Variants in PSD3 observed in about 807,000 individuals in gnomAD.
PSD3 encodes the protein PH and SEC7 domain-containing protein 3.
A neutral mutation model predicts 105.5 loss-of-function variants in PSD3; 49 were observed. The observed-to-expected ratio is 0.46, with a 90% CI of 0.37 to 0.59. The LOEUF (loss-of-function observed/expected upper bound fraction) is 0.59, where lower values mean the gene tolerates loss of function less well. Among genes scored for constraint, PSD3 ranks in the 20% least tolerant of loss-of-function variants. The pLI, the probability that PSD3 is intolerant of heterozygous loss-of-function variation, is 0.00. For synonymous variants in PSD3, 557 were observed against 457.8 expected (o/e 1.22, Z -2.77); for missense variants, 1,561 against 1,263.8 (o/e 1.24, Z -3.57).
chr8:18,760,003 C>G (rs556236360), intron 9 of PSD3, among the ~76,000 whole-genome samples: 1 of 123,404 alleles, frequency 8.1e-6, no homozygotes, highest in East Asian at 2.7e-4. Flanking sequence ...TTTTCTGTTA[C>G]AAACAAGAAC....
intron 9 of PSD3, among the ~76,000 whole-genome samples, chr8:18,758,000 A>G (rs1229316176): frequency 6.6e-6 from 1 of 151,880 alleles, no homozygotes; most frequent in African/African-American, 2.4e-5. Flanking sequence ...TTTAGAGTGG[A>G]CTTGTCCATT....
At chr8:18,724,229 C>T (rs140937412) in intron 9 of PSD3, among the ~76,000 whole-genome samples, 19 of 152,036 alleles carry the variant, frequency 1.2e-4, no homozygotes, top group Middle Eastern at 3.4e-3. Flanking sequence ...GCTATTACAG[C>T]GGTCTATAAA....
chr8:18,771,621 T>C (rs995062014), intron 8 of PSD3, among the ~76,000 whole-genome samples: 2 of 152,250 alleles, frequency 1.3e-5, no homozygotes, highest in Non-Finnish European at 2.9e-5. Context: ...CCAAATTGTT[T>C]TGAAACTCTT....
chr8:18,670,658 C>T (rs1386295872), intron 9 of PSD3, among the ~76,000 whole-genome samples: 1 of 152,086 alleles, frequency 6.6e-6, no homozygotes, highest in East Asian at 1.9e-4. Flanking sequence ...AGAAATGTAT[C>T]ATTATGATAT....
intron 1 of PSD3, among the ~76,000 whole-genome samples, chr8:19,002,590 TA>T (rs1826462610): frequency 6.6e-6 from 1 of 152,022 alleles, no homozygotes; most frequent in Non-Finnish European, 1.5e-5. Flanking sequence ...TTGAAAAAAA[TA>T]AAACCATGTA....
At position 18,818,017 on chromosome 8, in the gene PSD3, G is replaced by A. The variant is rs536083088; in HGVS notation, c.1635-13119C>T. Among the ~76,000 whole-genome samples, 7 of 152,228 alleles carry A rather than the reference G, an allele frequency of 4.6e-5. 1 individual carries two copies. The highest frequency in any genetic ancestry group is 4.1e-4 in the South Asian group (2 of 4,822). On this transcript the variant is annotated intron_variant, in intron 4 of 15. Coordinates refer to ENST00000327040, the MANE Select transcript of PSD3 (RefSeq NM_015310.4). Reference sequence around the variant, plus strand: ...CGCCCAGGCTGGAGTGCAGTGGCGCGATCTCGGCTCACTGCAACCTCTGCC... The same window carrying A: ...CGCCCAGGCTGGAGTGCAGTGGCGCAATCTCGGCTCACTGCAACCTCTGCC...
At chr8:19,006,242 G>A (rs891159414) in intron 1 of PSD3, among the ~76,000 whole-genome samples, 22 of 145,480 alleles carry the variant, frequency 1.5e-4, no homozygotes, top group Middle Eastern at 3.6e-3. Context: ...GCAGTGAGCC[G>A]AGATCACGCC....
At chr8:18,853,941 T>C (rs1815792727) in intron 4 of PSD3, among the ~76,000 whole-genome samples, 1 of 152,172 alleles carries the variant, frequency 6.6e-6, no homozygotes, top group Non-Finnish European at 1.5e-5. Flanking sequence ...GAAATTAACA[T>C]ATGATCATTT....
intron 1 of PSD3, among the ~76,000 whole-genome samples, chr8:19,057,653 A>G (rs1563535705): frequency 2.0e-5 from 3 of 152,152 alleles, no homozygotes; most frequent in African/African-American, 7.2e-5. Context: ...GCAACTAAAG[A>G]GTTATGCCCC....
At chr8:19,044,274 G>T (rs1226958726) in intron 1 of PSD3, among the ~76,000 whole-genome samples, 1 of 152,106 alleles carries the variant, frequency 6.6e-6, no homozygotes, top group Non-Finnish European at 1.5e-5. Flanking sequence ...CGGTCTCCTA[G>T]CTGCTTTTTC....
At chr8:18,696,485 G>A (rs988329906) in intron 9 of PSD3, among the ~76,000 whole-genome samples, 7 of 152,166 alleles carry the variant, frequency 4.6e-5, no homozygotes, top group Non-Finnish European at 1.5e-5. Context: ...TACTCTGTGT[G>A]GCCTGTTTTA....
At chr8:18,974,222 A>C (rs1203363497) in intron 1 of PSD3, among the ~76,000 whole-genome samples, 3 of 152,166 alleles carry the variant, frequency 2.0e-5, no homozygotes, top group Admixed American at 6.5e-5. Flanking sequence ...GTTACAGATA[A>C]AGAAAAAGGC....
chr8:18,676,349 CA>C (rs35319184), intron 9 of PSD3, among the ~76,000 whole-genome samples: 3 of 150,512 alleles, frequency 2.0e-5, no homozygotes, highest in African/African-American at 7.3e-5. Flanking sequence ...AGAGATGACA[CA>C]ACAGGAGTGG....
At chr8:18,573,969 T>C (rs1345949354) in intron 13 of PSD3, among the ~76,000 whole-genome samples, 2 of 152,164 alleles carry the variant, frequency 1.3e-5, no homozygotes, top group Non-Finnish European at 2.9e-5. Context: ...TAAGACTATT[T>C]AGAAAACCCA....
At chr8:19,031,436 T>C (rs1420877774) in intron 1 of PSD3, among the ~76,000 whole-genome samples, 1 of 152,198 alleles carries the variant, frequency 6.6e-6, no homozygotes, top group Admixed American at 6.6e-5. Context: ...ACATTTGGCA[T>C]ACTACTTTGT....
intron 8 of PSD3, among the ~76,000 whole-genome samples, chr8:18,766,778 G>A (rs188419475): frequency 1.3e-4 from 20 of 152,306 alleles, no homozygotes; most frequent in Admixed American, 6.5e-4. Context: ...TGTGACCACT[G>A]GGCTCTAGTT....
intron 9 of PSD3, among the ~76,000 whole-genome samples, chr8:18,665,406 G>C (rs1407003466): frequency 6.6e-6 from 1 of 152,238 alleles, no homozygotes; most frequent in Admixed American, 6.5e-5. Context: ...ATTAGACGTG[G>C]AGCCTAAAGA....
intron 4 of PSD3, chr8:18,849,733 T>C (rs1815417126): frequency 6.6e-6 from 1 of 152,264 alleles, no homozygotes; most frequent in Admixed American, 6.5e-5. Flanking sequence ...TTCCTCTTAC[T>C]GACTGACCTT....
intron 2 of PSD3, among the ~76,000 whole-genome samples, chr8:18,911,464 C>T (rs749271790): frequency 2.0e-5 from 3 of 152,090 alleles, no homozygotes; most frequent in Non-Finnish European, 2.9e-5. Flanking sequence ...GACTTCCTTG[C>T]TGTGTAACCT....
Sources: gnomAD v4.1 joint callset for allele counts (sites outside exome capture counted in the v4.1 genomes callset) on GRCh38, gnomAD v4.1.1 for gene constraint, MANE v1.5 for transcripts, NCBI Gene and HGNC (gene_info 2026-07-23, HGNC 2026-07-21) for gene names.